Variants in SOX5 observed in about 807,000 individuals in gnomAD.
SOX5 encodes the protein transcription factor SOX-5.
A neutral mutation model predicts 92.0 loss-of-function variants in SOX5; 9 were observed. The ratio of observed to expected loss-of-function variants is 0.10; its 90% CI spans 0.06 to 0.17. The LOEUF (loss-of-function observed/expected upper bound fraction) is 0.17, where lower values mean the gene tolerates loss of function less well. SOX5 is among the 10% of genes least tolerant of loss of function. The pLI is 1.00. For missense variants in SOX5, 642 were observed against 944.5 expected (o/e 0.68, Z 4.20); for synonymous variants, 344 against 336.3 (o/e 1.02, Z -0.25).
chr12:24,149,630 G>A (rs976969173), intron 4 of SOX5, among the ~76,000 whole-genome samples: 1 of 152,076 alleles, frequency 6.6e-6, no homozygotes, highest in Non-Finnish European at 1.5e-5. Flanking sequence ...AGTTATATGT[G>A]CATCTACCCT....
chr12:24,424,770 T>C (rs972255166), intron 1 of SOX5, among the ~76,000 whole-genome samples: 1 of 151,232 alleles, frequency 6.6e-6, no homozygotes, highest in Non-Finnish European at 1.5e-5. Context: ...AATTTCAAAT[T>C]GTATGATCTG....
At position 24,242,464 on chromosome 12, in the gene SOX5, C is replaced by T. The variant is rs893138028; in HGVS notation, c.-76-29047G>A. Among the ~76,000 whole-genome samples, 9 of 152,068 alleles carry T rather than the reference C, an allele frequency of 5.9e-5. No homozygotes were observed. In the East Asian group the frequency reaches 1.7e-3, roughly 29 times the overall value. The stretch of plus-strand genomic sequence containing the variant: ...AAACCACTTTTACAAAAAATGAGGA[C>T]ATTCTGAAAACACTGGAAGATAAGA... On this transcript the variant is annotated intron_variant, in intron 3 of 4. Transcript: ENST00000446891.
chr12:23,700,166 A>C (rs2090429719), intron 6 of SOX5, among the ~76,000 whole-genome samples: 1 of 152,120 alleles, frequency 6.6e-6, no homozygotes, highest in Non-Finnish European at 1.5e-5. Context: ...ACACACAACA[A>C]ATTTAATACG....
chr12:23,964,407 CA>C (rs1004320807), intron 4 of SOX5, among the ~76,000 whole-genome samples: 11 of 151,790 alleles, frequency 7.2e-5, no homozygotes, highest in Non-Finnish European at 1.5e-4. Context: ...ATTCCTGGGA[CA>C]AAAAAATACC....
At chr12:24,333,845 C>T (rs1359310007) in intron 2 of SOX5, among the ~76,000 whole-genome samples, 1 of 67,638 alleles carries the variant, frequency 1.5e-5, no homozygotes, top group Non-Finnish European at 2.9e-5. Context: ...CTAAAGTTCA[C>T]CAAGTTAAAA....
At chr12:24,150,881 T>C (rs1951584702) in intron 4 of SOX5, among the ~76,000 whole-genome samples, 1 of 151,572 alleles carries the variant, frequency 6.6e-6, no homozygotes, top group South Asian at 2.1e-4. Flanking sequence ...AGTAAATTTT[T>C]TGAAAAAAAA....
intron 4 of SOX5, among the ~76,000 whole-genome samples, chr12:23,748,653 A>G (rs2094080841): frequency 6.6e-6 from 1 of 151,976 alleles, no homozygotes; most frequent in Non-Finnish European, 1.5e-5. Flanking sequence ...CTTACCAAAA[A>G]TTTAATTATT....
At chr12:24,446,603 A>G (rs76832813) in intron 1 of SOX5, among the ~76,000 whole-genome samples, 1,809 of 152,278 alleles carry the variant, frequency 0.012, 29 homozygotes, top group East Asian at 0.051. Flanking sequence ...GTTTAGAAAA[A>G]TCATTCTGGC....
intron 1 of SOX5, among the ~76,000 whole-genome samples, chr12:24,426,636 C>T (rs549959873): frequency 1.3e-5 from 2 of 152,282 alleles, no homozygotes; most frequent in East Asian, 3.9e-4. Context: ...GTCATAAAAA[C>T]AAAGTTTACA....
At chr12:24,413,413 ATT>A (rs1327861665) in intron 1 of SOX5, among the ~76,000 whole-genome samples, 1 of 151,964 alleles carries the variant, frequency 6.6e-6, no homozygotes, top group Non-Finnish European at 1.5e-5. Context: ...ATATTTTTCC[ATT>A]TTTTTCTTTC....
intron 4 of SOX5, among the ~76,000 whole-genome samples, chr12:24,197,610 C>T (rs1410488130): frequency 6.6e-6 from 1 of 152,130 alleles, no homozygotes; most frequent in African/African-American, 2.4e-5. Flanking sequence ...AGGGGACAGC[C>T]CTGACTGTCT....
intron 9 of SOX5, among the ~76,000 whole-genome samples, chr12:23,592,105 C>T (rs530821075): frequency 6.6e-6 from 1 of 152,196 alleles, no homozygotes; most frequent in South Asian, 2.1e-4. Flanking sequence ...GGCAACTGGC[C>T]TTGCAAAGCA....
At chr12:24,227,442 G>A (rs573600961) in intron 3 of SOX5, 2 of 152,306 alleles carry the variant, frequency 1.3e-5, no homozygotes, top group Non-Finnish European at 2.9e-5. Context: ...CCTTGAAGTG[G>A]ACTGAAATAT....
intron 1 of SOX5, among the ~76,000 whole-genome samples, chr12:23,898,002 T>C (rs536207136): frequency 1.3e-5 from 2 of 152,272 alleles, no homozygotes; most frequent in South Asian, 4.1e-4. Context: ...CCAGAATAGT[T>C]CTAGTTTCAT....
chr12:24,243,510 C>T (rs954833644), intron 3 of SOX5, among the ~76,000 whole-genome samples: 3 of 152,122 alleles, frequency 2.0e-5, no homozygotes, highest in South Asian at 4.1e-4. Context: ...ACTGAAGATG[C>T]TATTCCAAAT....
chr12:23,930,198 T>C (rs1237835235), intron 1 of SOX5, among the ~76,000 whole-genome samples: 2 of 151,864 alleles, frequency 1.3e-5, no homozygotes, highest in African/African-American at 2.4e-5. Flanking sequence ...AAAGCAGACT[T>C]TGTTCCAGAA....
chr12:23,981,151 CTAAT>C lies in SOX5; in HGVS notation c.-1-85131_-1-85128del, dbSNP rs564895049. ...CAGTAGCCAGGATCTGCTACTAGAT[CTAAT>C]TCCACAATTCTAATTCCACAAGCTA... is the stretch of plus-strand genomic sequence containing the variant. On this transcript the variant is annotated intron_variant, in intron 4 of 4. Coordinates refer to the SOX5 transcript ENST00000446891. 1.3e-3 allele frequency among the ~76,000 whole-genome samples: 192 copies of C among 152,226 alleles called. 1 individual carries two copies. The highest frequency in any genetic ancestry group is 4.3e-3 in the African/African-American group (179 of 41,558).
chr12:23,950,888 T>C, upstream of SOX5: 3 of 1,534,976 alleles, frequency 2.0e-6, no homozygotes, highest in South Asian at 2.4e-5. Flanking sequence ...CATGCAGAGA[T>C]GGTGGCTGCC....
At chr12:23,618,626 T>C (rs894031088) in intron 8 of SOX5, among the ~76,000 whole-genome samples, 1 of 152,180 alleles carries the variant, frequency 6.6e-6, no homozygotes, top group African/African-American at 2.4e-5. Flanking sequence ...ATCATTTTGC[T>C]AGAAGCTTGC....
Sources: gnomAD v4.1 joint callset for allele counts (sites outside exome capture counted in the v4.1 genomes callset) on GRCh38, gnomAD v4.1.1 for gene constraint, MANE v1.5 for transcripts, NCBI Gene and HGNC (gene_info 2026-07-23, HGNC 2026-07-21) for gene names.